The following MBTD1 variants were observed in gnomAD, a reference collection of about 807,000 sequenced individuals.
MBTD1 encodes MBT domain-containing protein 1.
MBTD1 carries 24 observed loss-of-function variants against 87.8 expected under a neutral mutation model. The observed-to-expected ratio is 0.27, with a 90% CI of 0.20 to 0.38. MBTD1 has a LOEUF of 0.38. Among genes scored for constraint, MBTD1 ranks in the 10% least tolerant of loss-of-function variants. The pLI is 1.00. For synonymous variants in MBTD1, 237 were observed against 248.6 expected, an observed-to-expected ratio of 0.95 and a Z score of 0.44; for missense variants, 436 against 760.2, an observed-to-expected ratio of 0.57 and a Z score of 5.02.
At chr17:51,257,945 A>G (rs990002893) in intron 2 of MBTD1, among the ~76,000 whole-genome samples, 6 of 152,106 alleles carry the variant, frequency 3.9e-5, no homozygotes, top group African/African-American at 1.4e-4. Flanking sequence ...AGGTACTCAC[A>G]AGCAATCAGT....
At chr17:51,245,247 C>T (rs1329446158) in intron 2 of MBTD1, among the ~76,000 whole-genome samples, 1 of 152,178 alleles carries the variant, frequency 6.6e-6, no homozygotes, top group Admixed American at 6.5e-5. Flanking sequence ...TATGTGCCTA[C>T]TTTTTTTCTT....
chr17:51,211,986 A>G (rs1357100919), intron 6 of MBTD1, among the ~76,000 whole-genome samples: 1 of 152,204 alleles, frequency 6.6e-6, no homozygotes, highest in African/African-American at 2.4e-5. Context: ...AAAAAAGCTG[A>G]CATACATATA....
At chr17:51,229,909 C>T (rs2053457567) in intron 2 of MBTD1, among the ~76,000 whole-genome samples, 1 of 152,194 alleles carries the variant, frequency 6.6e-6, no homozygotes, top group East Asian at 1.9e-4. Flanking sequence ...ATCCCCGTCT[C>T]GGCCTCCCAA....
chr17:51,222,889 C>T (rs1212208921), intron 3 of MBTD1, among the ~76,000 whole-genome samples: 4 of 151,686 alleles, frequency 2.6e-5, no homozygotes, highest in African/African-American at 7.3e-5. Context: ...CAACCTCTGC[C>T]TCCTGGGTAC....
chr17:51,209,355 A>C (rs534178651), intron 6 of MBTD1: 58 of 471,128 alleles, frequency 1.2e-4, no homozygotes, highest in African/African-American at 1.1e-3. Flanking sequence ...GGCTCCTCCC[A>C]AACAAGGAAG....
chr17:51,184,657 G>A (rs1199357826), intron 16 of MBTD1: 1 of 152,130 alleles, frequency 6.6e-6, no homozygotes, highest in Non-Finnish European at 1.5e-5. Context: ...CATTTTAAAT[G>A]AATCAGTAAC....
At chr17:51,189,663 TA>T (rs2050707903) in intron 16 of MBTD1, among the ~76,000 whole-genome samples, 1 of 152,176 alleles carries the variant, frequency 6.6e-6, no homozygotes, top group Admixed American at 6.5e-5. Flanking sequence ...CACTGAGTAA[TA>T]AAAACCATTT....
In MBTD1 at chr17:51,179,150, A is replaced by G. The variant is rs2144921148; in HGVS notation, c.*1426T>C. The G allele has an allele frequency of 6.6e-6, 1 of 152,128 alleles. No individual in the cohort carries two copies. The highest frequency in any genetic ancestry group is 2.1e-4 in the South Asian group (1 of 4,820). The allele number at this position is 152,128 out of a possible 1,614,324, so 9.4% of individuals were successfully genotyped here. ...CTGTAGAGGTTAATCATTTTGATTA[A>G]TTTCTAATTAGCCCTACCTATATTC... On this transcript the variant is annotated 3_prime_UTR_variant, in exon 17 of 17. Coordinates refer to ENST00000586178, the MANE Select transcript of MBTD1 (RefSeq NM_017643.3).
chr17:51,203,653 T>TC (rs2051626955), intron 8 of MBTD1, 138 bp downstream of exon 8: 1 of 901,048 alleles, frequency 1.1e-6, no homozygotes, highest in Non-Finnish European at 1.7e-6. Flanking sequence ...TGCCTTGGCC[T>TC]CCCAAAGTGC....
intron 1 of MBTD1, 117 bp from the exon 2 acceptor site, chr17:51,259,323 C>T (rs2055301851): frequency 1.7e-6 from 2 of 1,158,552 alleles, no homozygotes; most frequent in East Asian, 3.2e-5. Flanking sequence ...ACCACTCCCA[C>T]CTCTCCCGCA....
At chr17:51,230,353 T>G (rs2053479967) in intron 2 of MBTD1, among the ~76,000 whole-genome samples, 1 of 152,204 alleles carries the variant, frequency 6.6e-6, no homozygotes, top group Non-Finnish European at 1.5e-5. Context: ...TGTGAACTTG[T>G]GCAAGTTATG....
At chr17:51,228,314 C>T (rs1309902028) in intron 2 of MBTD1, among the ~76,000 whole-genome samples, 3 of 151,872 alleles carry the variant, frequency 2.0e-5, no homozygotes, top group Admixed American at 6.6e-5. Context: ...ATAATCTGTT[C>T]GACAAACCCC....
chr17:51,231,594 T>C (rs1030004308), intron 2 of MBTD1, among the ~76,000 whole-genome samples: 1 of 152,186 alleles, frequency 6.6e-6, no homozygotes, highest in Non-Finnish European at 1.5e-5. Context: ...TAGGACTGTT[T>C]TAGAGAAATG....
Position 51,218,984 on chromosome 17 carries a change from C to T in MBTD1, c.349G>A (p.Ala117Thr), listed in dbSNP as rs1020470308. 2.4e-5 allele frequency: 38 copies of T among 1,551,324 alleles called. No individual in the cohort carries two copies. The highest frequency in any genetic ancestry group is 3.9e-5 in the Admixed American group (2 of 50,978). ...GTAGCTTGATACTGAGCATATGCGG[C>T]TAGCTTAGCAACTAAAGGTTGTTTC... ...LQKQPLVAKL[A>T]AYAQYQATLQ... Residue 117 changes from alanine (A) to threonine (T), a missense_variant, in exon 5 of 17, where the codon GCC becomes ACC. By Grantham distance (58) the Ala-to-Thr change is moderately conservative. This residue lies in a region of MBTD1 where 268 missense variants were observed against 401.8 expected (regional missense o/e 0.67). Transcript: ENST00000586178.
At chr17:51,227,310 T>C (rs1182834292) in intron 2 of MBTD1, among the ~76,000 whole-genome samples, 2 of 150,806 alleles carry the variant, frequency 1.3e-5, no homozygotes, top group Non-Finnish European at 2.9e-5. Flanking sequence ...TCTGTAATCC[T>C]AGTACTTTGA....
rs1191630948 is a variant in MBTD1, at chr17:51,179,176, C to T, written c.*1400G>A. 2 of 151,838 alleles carry T rather than the reference C, an allele frequency of 1.3e-5. No individual in the cohort carries two copies. The highest frequency in any genetic ancestry group is 4.8e-5 in the African/African-American group (2 of 41,348). 9.4% of individuals were successfully genotyped at this position (151,838 alleles called of 1,614,324 possible). ...TTTCTAATTAGCCCTACCTATATTC[C>T]AGAGGAGATGGTCAATATTACCACT... On this transcript the variant is annotated 3_prime_UTR_variant, in exon 17 of 17. Transcript: ENST00000586178.
intron 16 of MBTD1, among the ~76,000 whole-genome samples, chr17:51,188,753 GTTTTTTTTTTTT>G (rs767959315): frequency 3.7e-5 from 4 of 108,886 alleles, no homozygotes; most frequent in Non-Finnish European, 5.5e-5. Flanking sequence ...ATTCAAATAG[GTTTTTTTTTTTT>G]TTTTTTTTTT....
chr17:51,210,126 C>T (rs1283689342), intron 6 of MBTD1, among the ~76,000 whole-genome samples: 6 of 152,114 alleles, frequency 3.9e-5, no homozygotes, highest in East Asian at 3.9e-4. Flanking sequence ...CTCAGCCTCC[C>T]GAGTAGCTGG....
intron 2 of MBTD1, among the ~76,000 whole-genome samples, chr17:51,248,048 A>G (rs2144144841): frequency 6.6e-6 from 1 of 152,276 alleles, no homozygotes; most frequent in East Asian, 1.9e-4. Context: ...ATAGTTCTCA[A>G]TTTCCTCTGT....
Sources: gnomAD v4.1 joint callset for allele counts (sites outside exome capture counted in the v4.1 genomes callset) on GRCh38, gnomAD v4.1.1 for gene constraint, gnomAD v4.1.1 regional missense constraint, MANE v1.5 for transcripts, NCBI Gene and HGNC (gene_info 2026-07-23, HGNC 2026-07-21) for gene names.